TSC2: variants seen among roughly 807,000 people sequenced by gnomAD.
TSC2 encodes tuberin.
In TSC2, 29 loss-of-function variants were observed where a neutral mutation model predicts 202.2. That is an observed-to-expected ratio of 0.14 (90% CI 0.11 to 0.20). The LOEUF is 0.20. Ranked by LOEUF, TSC2 falls within the 10% of genes least tolerant of loss-of-function variation. The probability of loss-of-function intolerance (pLI) is 1.00; values close to 1 mark genes in which losing one functional copy is unlikely to be tolerated. For synonymous variants in TSC2, 1,349 were observed against 1,044.0 expected (o/e 1.29, Z -5.63); for missense variants, 2,429 against 2,420.0 (o/e 1.00, Z -0.08).
rs550084361 is a variant in TSC2 at position 2,084,553 on chromosome 16, C to T, written c.4331C>T (p.Pro1444Leu). ...GEDSRGQPEG[P>L]LPSSSPRSPS... is the part of the protein sequence containing the mutation. ...GACAGTCGGGGCCAGCCCGAGGGTC[C>T]CTTGCCTTCCAGCTCCCCCCGCTCG... The change falls in exon 34 of 42, where the codon CCC becomes CTC. Residue 1444 changes from proline (P) to leucine (L), a missense_variant. By Grantham distance (98) the Pro-to-Leu change is moderately conservative (BLOSUM62 -3). Coordinates refer to ENST00000219476, the MANE Select transcript of TSC2 (RefSeq NM_000548.5). 6 of 1,609,080 alleles carry T rather than the reference C, an allele frequency of 3.7e-6. No individual in the cohort carries two copies. The South Asian group carries it at 6.6e-5, about 18-fold the overall frequency.
intron 3 of TSC2, among the ~76,000 whole-genome samples, chr16:2,052,627 G>T (rs2085272275): frequency 6.6e-6 from 1 of 152,190 alleles, no homozygotes; most frequent in African/African-American, 2.4e-5. Context: ...GGCCATTTTA[G>T]TTCCCCTCCT....
At chr16:2,081,835 C>G (rs775629548) in intron 31 of TSC2, 37 bp downstream of exon 31, 1 of 1,606,516 alleles carries the variant, frequency 6.2e-7, no homozygotes. Flanking sequence ...GGGCTCTGCT[C>G]CCACTGGCCT....
At position 2,053,461 on chromosome 16, in the gene TSC2, C is replaced by T; in HGVS notation, c.336+9C>T. 1 of 1,558,796 alleles carries T rather than the reference C, an allele frequency of 6.4e-7. No homozygotes were observed. Among genetic ancestry groups the T allele is most frequent in the African/African-American group, 1.4e-5 (1 of 73,678 alleles). ...CCATCGTGCAGGGGCAGGTAAGGCC[C>T]AGGGCGACGCTGGGATGGGTGACGT... On this transcript the variant is annotated intron_variant, in intron 4 of 41. Transcript: ENST00000219476.
At position 2,079,881 on chromosome 16, in the gene TSC2, G is replaced by T. The variant is rs922054887; in HGVS notation, c.3397+212G>T. ...CGCTTGCTGCAGAGGGGCCTGCTCT[G>T]GGTGCTGGTGTTTCCTGCGGGTTTT... On this transcript the variant is annotated intron_variant, in intron 29 of 41. Transcript: ENST00000219476. This position sits in a 1 kb window ranked among gnomAD's most constrained non-coding sequence, Gnocchi z 4.6. Among the ~76,000 whole-genome samples, 1 of 152,208 alleles carries T rather than the reference G, an allele frequency of 6.6e-6. No homozygotes were observed. Among genetic ancestry groups the T allele is most frequent in the African/African-American group, 2.4e-5 (1 of 41,464 alleles).
chr16:2,087,482 AGTT>A (rs1239844962), intron 38 of TSC2, among the ~76,000 whole-genome samples: 2 of 61,902 alleles, frequency 3.2e-5, no homozygotes, highest in Non-Finnish European at 5.8e-5. Flanking sequence ...CAAGACAACC[AGTT>A]GGGGGGGGGG....
Position 2,053,518 on chromosome 16 carries a change from G to C in TSC2, c.336+66G>C, listed in dbSNP as rs920782009. ...GCCCACTGACTGTCCTGTCCCTGCT[G>C]GGCCGTGTTTGGACTCCTGCCTCGG... On this transcript the variant is annotated intron_variant, in intron 4 of 41. Transcript: ENST00000219476. The C allele has an allele frequency of 4.0e-6, 6 of 1,483,156 alleles. No individual in the cohort carries two copies. In the Admixed American group the frequency reaches 7.9e-5, roughly 19 times the overall value. 91.9% of individuals were successfully genotyped at this position (1,483,156 alleles called of 1,614,324 possible). A position where few individuals can be genotyped will look rare whatever the true frequency, so the allele number is the denominator to read the frequency against.
chr16:2,067,348 G>A (rs1040361691), intron 16 of TSC2, among the ~76,000 whole-genome samples: 3 of 151,842 alleles, frequency 2.0e-5, no homozygotes, highest in African/African-American at 7.2e-5. Flanking sequence ...TTTTTGTAGA[G>A]ATGGGGTCTT....
At chr16:2,054,104 C>A in intron 4 of TSC2, 192 bp from the exon 5 acceptor site, 1 of 814,962 alleles carries the variant, frequency 1.2e-6, no homozygotes, top group Non-Finnish European at 1.9e-6. Context: ...CGCCGCTCTG[C>A]GGTCGGCCGG....
rs1193817827 is a variant in TSC2 at position 2,088,311 on chromosome 16, C to T, written c.5245C>T (p.Arg1749Trp). 6.8e-6 allele frequency: 11 copies of T among 1,612,606 alleles called. No homozygotes were observed. The highest frequency in any genetic ancestry group is 8.5e-6 in the Non-Finnish European group (10 of 1,179,948). ...KWIARLRHIK[R>W]LRQRICEEAA... ...GATTGCCCGGCTCCGCCACATCAAG[C>T]GGCTCCGCCAGCGGGTAGGGAATAT... Residue 1749 changes from arginine to tryptophan, a missense_variant, in exon 41 of 42, where the codon CGG becomes TGG. Physicochemically the swap from Arg to Trp is moderately radical, Grantham distance 101 (BLOSUM62 -3). Coordinates refer to ENST00000219476, the MANE Select transcript of TSC2 (RefSeq NM_000548.5).
chr16:2,085,806 T>A (rs979007377), intron 36 of TSC2, among the ~76,000 whole-genome samples: 1 of 151,952 alleles, frequency 6.6e-6, no homozygotes, highest in African/African-American at 2.4e-5. Flanking sequence ...GGGCCTGGGC[T>A]GCTTCTGAGC....
At chr16:2,076,809 C>G (rs918048436) in intron 25 of TSC2, 6 of 575,984 alleles carry the variant, frequency 1.0e-5, no homozygotes, top group Admixed American at 8.9e-5. Flanking sequence ...CGGGCACCTA[C>G]TTGTGGAATT....
At chr16:2,083,614 G>T in intron 32 of TSC2, 81 bp from the exon 33 acceptor site, 1 of 1,545,226 alleles carries the variant, frequency 6.5e-7, no homozygotes, top group Non-Finnish European at 8.7e-7. Context: ...CTGGTCAGGA[G>T]AAGGCTGGTT....
At chr16:2,056,823 A>G (rs937429759) in intron 8 of TSC2, 54 bp downstream of exon 8, 3 of 1,599,854 alleles carry the variant, frequency 1.9e-6, no homozygotes, top group African/African-American at 1.3e-5. Context: ...GGATGGGACA[A>G]GGGCCATCCT....
intron 3 of TSC2, among the ~76,000 whole-genome samples, chr16:2,052,410 C>G (rs960337627): frequency 6.6e-6 from 1 of 152,020 alleles, no homozygotes; most frequent in South Asian, 2.1e-4. Flanking sequence ...GCCAGGCTCA[C>G]GTGATCCTCC....
chr16:2,055,975 T>A (rs2085758678), intron 6 of TSC2: 1 of 641,686 alleles, frequency 1.6e-6, no homozygotes, highest in Admixed American at 2.3e-5. Flanking sequence ...TTGTTGTTTG[T>A]TTAGAATGTT....
At chr16:2,055,086 T>C in intron 5 of TSC2, 1 of 441,230 alleles carries the variant, frequency 2.3e-6, no homozygotes, top group South Asian at 2.1e-5. Context: ...CGCCCAGGAG[T>C]CTGGTGATGT....
chr16:2,084,987 T>C lies in TSC2; in HGVS notation c.4530T>C (p.Phe1510=). 1.2e-6 allele frequency: 2 copies of C among 1,613,138 alleles called. No individual in the cohort carries two copies. Among genetic ancestry groups the C allele is most frequent in the East Asian group, 2.2e-5 (1 of 44,872 alleles). ...TGCAGCTCTACCATTCCCCCTTCTT[T>C]GGCGACGAGTCAAACAAGCCAATCC... ...VFLQLYHSPF[F]GDESNKPILL... The change falls in exon 35 of 42, where the codon TTT becomes TTC. Residue 1510 remains phenylalanine, a synonymous_variant. Transcript: ENST00000219476.
chr16:2,074,498 C>T (rs949993893), intron 22 of TSC2, 109 bp downstream of exon 22: 17 of 1,381,874 alleles, frequency 1.2e-5, no homozygotes, highest in South Asian at 8.5e-5. Context: ...CTGGGTGTCT[C>T]GCCTTCTGCT....
chr16:2,070,403 A>G, intron 16 of TSC2, 53 bp from the exon 17 acceptor site: 1 of 1,612,998 alleles, frequency 6.2e-7, no homozygotes, highest in Non-Finnish European at 8.5e-7. Flanking sequence ...GTGCTGTCTT[A>G]GGACTGCGTT....
Sources: allele counts gnomAD v4.1 joint callset (sites outside exome capture counted in the v4.1 genomes callset), GRCh38; gene constraint gnomAD v4.1.1; non-coding constraint Gnocchi (gnomAD v3.1); transcripts MANE v1.5; gene names NCBI Gene and HGNC (gene_info 2026-07-23, HGNC 2026-07-21).